The following EXOC4 variants were observed in gnomAD, a reference collection of about 807,000 sequenced individuals.
The protein encoded by EXOC4 is SEC8-like 1.
Under a neutral mutation model 107.2 loss-of-function variants are expected in EXOC4, and 71 were observed. That is an observed-to-expected ratio of 0.66 (90% CI 0.55 to 0.81). The LOEUF is 0.81. Ranked by LOEUF, EXOC4 falls within the 30% of genes least tolerant of loss-of-function variation. The pLI is 0.00. For synonymous variants in EXOC4, 456 were observed against 441.2 expected, an observed-to-expected ratio of 1.03 and a Z score of -0.42; for missense variants, 1,108 against 1,189.6, an observed-to-expected ratio of 0.93 and a Z score of 1.01.
Position 133,717,817 on chromosome 7 carries a change from A to C in EXOC4, c.1514+87676A>C, listed in dbSNP as rs138011391. 2.0e-5 allele frequency among the ~76,000 whole-genome samples: 3 copies of C among 152,312 alleles called. No homozygotes were observed. The East Asian group carries it at 5.8e-4, about 29-fold the overall frequency. On this transcript the variant is annotated intron_variant, in intron 10 of 17. Transcript: ENST00000253861. Reference sequence around the variant, plus strand: ...CAGTTTCATTGGAACCAAAATTAACATTTGTGAAAAAGTTGCCTTAACTAA... The same window carrying C: ...CAGTTTCATTGGAACCAAAATTAACCTTTGTGAAAAAGTTGCCTTAACTAA...
intron 7 of EXOC4, among the ~76,000 whole-genome samples, chr7:133,428,420 G>A (rs1797776058): frequency 6.6e-6 from 1 of 152,162 alleles, no homozygotes. Context: ...GTAGCCATAA[G>A]CATTTGCCAT....
At chr7:133,349,279 A>C (rs1795855812) in intron 5 of EXOC4, among the ~76,000 whole-genome samples, 1 of 152,068 alleles carries the variant, frequency 6.6e-6, no homozygotes, top group South Asian at 2.1e-4. Flanking sequence ...CATTCTTGTA[A>C]AACTGAAACT....
intron 9 of EXOC4, among the ~76,000 whole-genome samples, chr7:133,598,969 G>A (rs1801745562): frequency 1.3e-5 from 2 of 152,050 alleles, no homozygotes; most frequent in African/African-American, 2.4e-5. Context: ...GGGCGACAGA[G>A]TGAGACTCCA....
At chr7:133,803,568 A>G (rs530812780) in intron 10 of EXOC4, among the ~76,000 whole-genome samples, 31 of 152,262 alleles carry the variant, frequency 2.0e-4, no homozygotes, top group Admixed American at 1.8e-3. Flanking sequence ...TTGTAATCGA[A>G]ATTCTTCTAC....
intron 10 of EXOC4, among the ~76,000 whole-genome samples, chr7:133,811,981 C>A (rs568264444): frequency 5.3e-5 from 8 of 152,144 alleles, no homozygotes; most frequent in Non-Finnish European, 1.0e-4. Flanking sequence ...CACTACTAGG[C>A]ATGAAGGATT....
intron 10 of EXOC4, among the ~76,000 whole-genome samples, chr7:133,701,823 G>A (rs1794661826): frequency 6.6e-6 from 1 of 151,932 alleles, no homozygotes; most frequent in Non-Finnish European, 1.5e-5. Context: ...TACCCTGAAG[G>A]TAACTTTGTA....
At chr7:133,847,167 T>A (rs889994121) in intron 11 of EXOC4, among the ~76,000 whole-genome samples, 5 of 152,148 alleles carry the variant, frequency 3.3e-5, no homozygotes, top group Non-Finnish European at 7.4e-5. Context: ...CAAAAGCTTC[T>A]CTTCTGGCTA....
At chr7:133,755,678 C>G (rs1319994798) in intron 10 of EXOC4, among the ~76,000 whole-genome samples, 1 of 152,010 alleles carries the variant, frequency 6.6e-6, no homozygotes, top group Non-Finnish European at 1.5e-5. Flanking sequence ...AGAATAATAA[C>G]AGTAACACCT....
chr7:133,882,140 A>G (rs893358411), intron 11 of EXOC4, among the ~76,000 whole-genome samples: 33 of 152,176 alleles, frequency 2.2e-4, no homozygotes, highest in African/African-American at 8.0e-4. Flanking sequence ...ATTCGGCATT[A>G]TGTCTGTGAT....
chr7:133,962,387 G>GTTGTCCTGC (rs1442939170), intron 14 of EXOC4, among the ~76,000 whole-genome samples: 2 of 152,154 alleles, frequency 1.3e-5, no homozygotes, highest in African/African-American at 4.8e-5. Flanking sequence ...CTTCCAAGTA[G>GTTGTCCTGC]TTGTCCTGCC....
chr7:133,642,833 A>G (rs1276769767), intron 10 of EXOC4, among the ~76,000 whole-genome samples: 2 of 152,074 alleles, frequency 1.3e-5, no homozygotes, highest in African/African-American at 4.8e-5. Flanking sequence ...TCCTTTTTCC[A>G]GGTCTGTCAT....
intron 10 of EXOC4, among the ~76,000 whole-genome samples, chr7:133,691,442 T>C (rs1794416787): frequency 6.6e-6 from 1 of 152,224 alleles, no homozygotes; most frequent in Non-Finnish European, 1.5e-5. Context: ...CTTTGTAATG[T>C]AATGCGTATA....
intron 10 of EXOC4, among the ~76,000 whole-genome samples, chr7:133,642,503 C>T (rs114642586): frequency 1.9e-3 from 293 of 152,312 alleles, no homozygotes; most frequent in African/African-American, 6.8e-3. Context: ...CCTCTTACCC[C>T]ACACGTCTAG....
chr7:133,756,201 C>A (rs907787840), intron 10 of EXOC4, among the ~76,000 whole-genome samples: 2 of 152,124 alleles, frequency 1.3e-5, no homozygotes, highest in Non-Finnish European at 2.9e-5. Flanking sequence ...TAACCCATTA[C>A]AGAAAATAAA....
intron 12 of EXOC4, among the ~76,000 whole-genome samples, chr7:133,898,914 G>T (rs1257698937): frequency 6.6e-6 from 1 of 150,924 alleles, no homozygotes; most frequent in African/African-American, 2.4e-5. Flanking sequence ...GGAGGTGGAG[G>T]TTGCAGTGAG....
chr7:134,042,653 G>C (rs1464035798), intron 17 of EXOC4, among the ~76,000 whole-genome samples: 3 of 152,226 alleles, frequency 2.0e-5, no homozygotes, highest in Non-Finnish European at 2.9e-5. Flanking sequence ...GCAGATTTAA[G>C]TCAGAGCCCT....
At chr7:133,269,705 A>C (rs968576656) in intron 1 of EXOC4, among the ~76,000 whole-genome samples, 1 of 152,212 alleles carries the variant, frequency 6.6e-6, no homozygotes, top group African/African-American at 2.4e-5. Flanking sequence ...CTATATTTTT[A>C]AAAATGGAAT....
intron 7 of EXOC4, among the ~76,000 whole-genome samples, chr7:133,443,657 G>A (rs1163609534): frequency 3.3e-5 from 5 of 152,080 alleles, no homozygotes; most frequent in African/African-American, 9.7e-5. Context: ...ATCAGTGGGT[G>A]GTGTGAGTGG....
intron 10 of EXOC4, among the ~76,000 whole-genome samples, chr7:133,803,653 G>A (rs1797001477): frequency 6.6e-6 from 1 of 152,104 alleles, no homozygotes; most frequent in South Asian, 2.1e-4. Context: ...ATATTCACTT[G>A]CAAGTAATCA....
Sources: allele counts gnomAD v4.1 joint callset (sites outside exome capture counted in the v4.1 genomes callset), GRCh38; gene constraint gnomAD v4.1.1; transcripts MANE v1.5; gene names NCBI Gene and HGNC (gene_info 2026-07-23, HGNC 2026-07-21).